SAE1: variants seen among roughly 807,000 people sequenced by gnomAD.
SAE1 encodes SUMO-activating enzyme subunit 1.
SAE1 carries 11 observed loss-of-function variants against 40.6 expected under a neutral mutation model. That is an observed-to-expected ratio of 0.27 (90% CI 0.17 to 0.45). The LOEUF (loss-of-function observed/expected upper bound fraction) is 0.45. Ranked by LOEUF, SAE1 falls within the 20% of genes least tolerant of loss-of-function variation. The pLI is 1.00. For synonymous variants in SAE1, 155 were observed against 154.3 expected, an observed-to-expected ratio of 1.00 and a Z score of -0.03; for missense variants, 373 against 427.3, an observed-to-expected ratio of 0.87 and a Z score of 1.12.
At chr19:47,172,418 G>A (rs2058440323) in intron 6 of SAE1, among the ~76,000 whole-genome samples, 1 of 152,146 alleles carries the variant, frequency 6.6e-6, no homozygotes, top group Non-Finnish European at 1.5e-5. Flanking sequence ...GGAGAAGCTT[G>A]TTGCTCACTG....
At chr19:47,158,207 G>A (rs2058335674) in intron 5 of SAE1, among the ~76,000 whole-genome samples, 1 of 152,088 alleles carries the variant, frequency 6.6e-6, no homozygotes, top group Non-Finnish European at 1.5e-5. Context: ...TTTGCTTCAA[G>A]GTACACTTTG....
chr19:47,157,084 G>A (rs1284752002), intron 5 of SAE1, among the ~76,000 whole-genome samples: 3 of 152,332 alleles, frequency 2.0e-5, no homozygotes, highest in Admixed American at 2.0e-4. Context: ...AAAAGAGACT[G>A]CAGAAAACCA....
chr19:47,200,903 G>C (rs941219342), intron 7 of SAE1, among the ~76,000 whole-genome samples: 1 of 152,102 alleles, frequency 6.6e-6, no homozygotes, highest in Non-Finnish European at 1.5e-5. Context: ...TGTCACCTAG[G>C]CTAGAGTGCA....
At chr19:47,170,876 T>G (rs952280207) in intron 6 of SAE1, among the ~76,000 whole-genome samples, 6 of 152,178 alleles carry the variant, frequency 3.9e-5, no homozygotes, top group African/African-American at 1.4e-4. Flanking sequence ...TTGTTTTTCC[T>G]CTTGCTATTA....
At chr19:47,151,767 A>T (rs1433462740) in intron 3 of SAE1, among the ~76,000 whole-genome samples, 1 of 152,156 alleles carries the variant, frequency 6.6e-6, no homozygotes, top group Admixed American at 6.6e-5. Flanking sequence ...ATCTGTAGTA[A>T]CCACATTTAT....
chr19:47,137,084 C>T (rs1481031111), intron 1 of SAE1, among the ~76,000 whole-genome samples: 1 of 152,054 alleles, frequency 6.6e-6, no homozygotes, highest in Non-Finnish European at 1.5e-5. Flanking sequence ...AGTGAAGGGA[C>T]TGTTGTGGAT....
At chr19:47,182,132 C>T (rs191809738) in intron 6 of SAE1, among the ~76,000 whole-genome samples, 1 of 152,198 alleles carries the variant, frequency 6.6e-6, no homozygotes, top group East Asian at 1.9e-4. Context: ...TCAATTTCCC[C>T]TCATTCACAC....
At chr19:47,183,512 C>G (rs141145672) in intron 6 of SAE1, among the ~76,000 whole-genome samples, 2 of 152,188 alleles carry the variant, frequency 1.3e-5, no homozygotes, top group East Asian at 1.9e-4. Context: ...ACAGGCACCT[C>G]GTGACATTTT....
intron 2 of SAE1, among the ~76,000 whole-genome samples, chr19:47,144,311 G>A (rs562827299): frequency 6.6e-6 from 1 of 152,070 alleles, no homozygotes; most frequent in South Asian, 2.1e-4. Context: ...TCCAGCCTGG[G>A]CAACAGAGTG....
chr19:47,174,299 C>CTT (rs766044817), intron 6 of SAE1, among the ~76,000 whole-genome samples: 6 of 130,280 alleles, frequency 4.6e-5, no homozygotes, highest in East Asian at 2.2e-4. Flanking sequence ...TTTTCTTTTT[C>CTT]TTTTTTTTTT....
chr19:47,162,136 G>C (rs2058362908), intron 5 of SAE1, among the ~76,000 whole-genome samples: 1 of 152,338 alleles, frequency 6.6e-6, no homozygotes, highest in East Asian at 1.9e-4. Flanking sequence ...CTCTTGGACA[G>C]CCCTGCAGGG....
intron 5 of SAE1, among the ~76,000 whole-genome samples, chr19:47,168,698 G>A (rs457394): frequency 1.3e-5 from 2 of 151,920 alleles, no homozygotes; most frequent in African/African-American, 4.8e-5. Flanking sequence ...CCCCCTCCTA[G>A]GTTCAAGCGA....
At chr19:47,207,398 T>G (rs1235198618) in intron 8 of SAE1, among the ~76,000 whole-genome samples, 1 of 152,170 alleles carries the variant, frequency 6.6e-6, no homozygotes, top group Non-Finnish European at 1.5e-5. Context: ...CCCACCTTCC[T>G]CATGAATGAT....
intron 6 of SAE1, among the ~76,000 whole-genome samples, chr19:47,175,453 T>C (rs1417890290): frequency 6.6e-6 from 1 of 152,124 alleles, no homozygotes; most frequent in African/African-American, 2.4e-5. Flanking sequence ...GATATATCTG[T>C]AGTCTGGGCG....
chr19:47,144,536 A>G (rs2123195348), intron 2 of SAE1, among the ~76,000 whole-genome samples: 1 of 150,886 alleles, frequency 6.6e-6, no homozygotes, highest in Non-Finnish European at 1.5e-5. Context: ...CATCACTACT[A>G]AAGACACAAA....
intron 5 of SAE1, among the ~76,000 whole-genome samples, chr19:47,168,471 C>T (rs2058409908): frequency 6.6e-6 from 1 of 151,930 alleles, no homozygotes; most frequent in Non-Finnish European, 1.5e-5. Flanking sequence ...ACCCAGCTAA[C>T]TTGTAGAGAT....
chr19:47,146,329 G>T (rs2058255400), intron 2 of SAE1, among the ~76,000 whole-genome samples: 2 of 152,090 alleles, frequency 1.3e-5, no homozygotes, highest in South Asian at 4.1e-4. Context: ...TTTATGTGTA[G>T]ATCAGTAATT....
At chr19:47,184,935 C>G (rs1230568662) in intron 6 of SAE1, among the ~76,000 whole-genome samples, 2 of 151,870 alleles carry the variant, frequency 1.3e-5, no homozygotes, top group East Asian at 3.9e-4. Flanking sequence ...ATTCTCCTGC[C>G]TCAGCCCCCA....
chr19:47,167,753 A>T (rs891628589), intron 5 of SAE1, among the ~76,000 whole-genome samples: 1 of 151,618 alleles, frequency 6.6e-6, no homozygotes, highest in Non-Finnish European at 1.5e-5. Flanking sequence ...CATCCCCCCC[A>T]CCGCCCACCA....
Sources: allele counts gnomAD v4.1 joint callset (sites outside exome capture counted in the v4.1 genomes callset), GRCh38; gene constraint gnomAD v4.1.1; transcripts MANE v1.5; gene names NCBI Gene and HGNC (gene_info 2026-07-23, HGNC 2026-07-21).